The following GREB1 variants were observed in gnomAD, a reference collection of about 807,000 sequenced individuals.
GREB1 encodes the protein protein GREB1.
In GREB1, 106 loss-of-function variants were observed where a neutral mutation model predicts 200.7. That is an observed-to-expected ratio of 0.53 (90% CI 0.45 to 0.62). GREB1 has a LOEUF of 0.62. GREB1 is among the 20% of genes least tolerant of loss of function. The pLI is 0.00. For missense variants in GREB1, 2,243 were observed against 2,556.8 expected (o/e 0.88, Z 2.65); for synonymous variants, 1,132 against 1,092.4 (o/e 1.04, Z -0.72).
chr2:11,605,211 A>G (rs1682162810), intron 17 of GREB1, among the ~76,000 whole-genome samples: 1 of 128,912 alleles, frequency 7.8e-6, no homozygotes, highest in Non-Finnish European at 1.6e-5. Context: ...ACTGACAGCC[A>G]GTAGACCGTA....
At chr2:11,595,990 G>A in intron 12 of GREB1, 121 bp from the exon 13 acceptor site, 2 of 925,634 alleles carry the variant, frequency 2.2e-6, no homozygotes, top group Admixed American at 4.1e-5. Context: ...GACGGGCCAT[G>A]TCCTCCTCTT....
At chr2:11,527,614 G>C (rs1429153156) in intron 1 of GREB1, among the ~76,000 whole-genome samples, 2 of 152,182 alleles carry the variant, frequency 1.3e-5, no homozygotes, top group Non-Finnish European at 2.9e-5. Context: ...CTGAAGGCCA[G>C]CCTCTCCAAA....
intron 1 of GREB1, among the ~76,000 whole-genome samples, chr2:11,505,357 G>A (rs1003924312): frequency 2.0e-5 from 3 of 152,074 alleles, no homozygotes; most frequent in Non-Finnish European, 2.9e-5. Flanking sequence ...TGCTCTTGGG[G>A]TGGAGAGCAC....
At chr2:11,592,691 G>A (rs985667308) in intron 10 of GREB1, 85 bp from the exon 11 acceptor site, 1 of 834,352 alleles carries the variant, frequency 1.2e-6, no homozygotes, top group Non-Finnish European at 1.7e-6. Flanking sequence ...AATAACTTAG[G>A]TGGGTACTTT....
At chr2:11,632,751 T>G in intron 27 of GREB1, 138 bp from the exon 28 acceptor site, 1 of 664,720 alleles carries the variant, frequency 1.5e-6, no homozygotes. Flanking sequence ...ATGGGCTGTG[T>G]TTTGTGACAG....
intron 1 of GREB1, among the ~76,000 whole-genome samples, chr2:11,516,184 A>G (rs16857565): frequency 0.18 from 27,799 of 152,124 alleles, 3,262 homozygotes; most frequent in African/African-American, 0.32. Context: ...ATCACGTCCA[A>G]AATGAACCCA....
Position 11,641,018 on chromosome 2 carries a change from G to A in GREB1, c.*564G>A, listed in dbSNP as rs1025558138. 1 of 152,344 alleles carries A rather than the reference G, an allele frequency of 6.6e-6. No homozygotes were observed. The highest frequency in any genetic ancestry group is 1.5e-5 in the Non-Finnish European group (1 of 68,224). 9.4% of individuals were successfully genotyped at this position (152,344 alleles called of 1,614,324 possible). Reference sequence around the variant, plus strand: ...GCCCAAAGGCATCAAATTTAATAAAGTTAAACAAATTGATTTACTTCAGAG... The same window carrying A: ...GCCCAAAGGCATCAAATTTAATAAAATTAAACAAATTGATTTACTTCAGAG... On this transcript the variant is annotated 3_prime_UTR_variant, in exon 33 of 33. Transcript: ENST00000381486.
Position 11,634,144 on chromosome 2 carries a change from T to C in GREB1, c.5005T>C (p.Ser1669Pro). ...AGERSREFSW[S>P]ERNVSLKHIM... The stretch of plus-strand genomic sequence containing the variant: ...TCCTTGGAGCAGGGAGTTCTCCTGG[T>C]CGGAAAGGAACGTGTCTTTGAAGCA... Residue 1669 changes from serine to proline, a missense_variant, in exon 29 of 33, where the codon TCG becomes CCG. Physicochemically the swap from Ser to Pro is moderately conservative, Grantham distance 74. Transcript: ENST00000381486. 5 of 1,614,118 alleles carry C rather than the reference T, an allele frequency of 3.1e-6. No homozygotes were observed. The highest frequency in any genetic ancestry group is 4.2e-6 in the Non-Finnish European group (5 of 1,180,018).
chr2:11,592,692 TG>T, intron 10 of GREB1, 83 bp from the exon 11 acceptor site: 2 of 839,032 alleles, frequency 2.4e-6, no homozygotes, highest in Non-Finnish European at 3.5e-6. Flanking sequence ...ATAACTTAGG[TG>T]GGTACTTTCA....
chr2:11,608,765 C>A (rs182051962), intron 17 of GREB1, among the ~76,000 whole-genome samples: 1 of 152,306 alleles, frequency 6.6e-6, no homozygotes, highest in East Asian at 1.9e-4. Context: ...CCCTTTAATT[C>A]GTTTGCAACC....
At chr2:11,551,481 C>T (rs1030290935) in intron 1 of GREB1, among the ~76,000 whole-genome samples, 1 of 152,208 alleles carries the variant, frequency 6.6e-6, no homozygotes, top group Non-Finnish European at 1.5e-5. Flanking sequence ...TCTAGCTCTG[C>T]GGGTCCAGGG....
At chr2:11,624,217 C>T (rs1306438689) in intron 23 of GREB1, among the ~76,000 whole-genome samples, 1 of 152,220 alleles carries the variant, frequency 6.6e-6, no homozygotes, top group Non-Finnish European at 1.5e-5. Flanking sequence ...TACTCACTGA[C>T]TCACCCGGAA....
At position 11,602,410 on chromosome 2, in the gene GREB1, T is replaced by A; in HGVS notation, c.2534T>A (p.Val845Glu). Residue 845 changes from valine (V) to glutamate (E), a missense_variant, in exon 17 of 33, where the codon GTG (valine) becomes GAG (glutamate). By Grantham distance (121) the Val-to-Glu change is moderately radical. Transcript: ENST00000381486. ...CGACGCTCTTCTTTGTTTTAGGGAG[T>A]GGACTTATATCATGAAAATAAGAAG... ...IHWPASCSNG[V>E]DLYHENKKYF... The A allele has an allele frequency of 6.2e-7, 1 of 1,613,474 alleles. No homozygotes were observed. The highest frequency in any genetic ancestry group is 8.5e-7 in the Non-Finnish European group (1 of 1,179,526).
At chr2:11,569,515 G>A (rs1310732441) in intron 4 of GREB1, among the ~76,000 whole-genome samples, 1 of 152,190 alleles carries the variant, frequency 6.6e-6, no homozygotes, top group Non-Finnish European at 1.5e-5. Context: ...TATCTGAGTT[G>A]GGCCCTGAAA....
intron 20 of GREB1, 110 bp downstream of exon 20, chr2:11,615,400 G>C: frequency 2.1e-6 from 2 of 934,572 alleles, no homozygotes; most frequent in Non-Finnish European, 3.3e-6. Flanking sequence ...AGTTCAGCAG[G>C]GTCCTGGGAC....
In GREB1 at chr2:11,597,457, C is replaced by A. The variant is rs1156363961; in HGVS notation, c.1955-324C>A. ...AGAGTTTGCAGTCCTCTTCCAGAGT[C>A]CAGTCTCAGCATCACCTCCCCTGGG... On this transcript the variant is annotated intron_variant, in intron 13 of 32. Transcript: ENST00000381486. The surrounding 1 kb of genome is among the most constrained non-coding windows in gnomAD (Gnocchi z 4.1). 6.6e-6 allele frequency among the ~76,000 whole-genome samples: 1 copy of A among 152,098 alleles called. No individual in the cohort carries two copies. Among genetic ancestry groups the A allele is most frequent in the Non-Finnish European group, 1.5e-5 (1 of 68,016 alleles).
chr2:11,564,638 T>C (rs1401918242), intron 3 of GREB1, among the ~76,000 whole-genome samples: 2 of 152,230 alleles, frequency 1.3e-5, no homozygotes, highest in Non-Finnish European at 2.9e-5. Context: ...TCAGAAGGCA[T>C]GGACCACACT....
intron 26 of GREB1, among the ~76,000 whole-genome samples, chr2:11,630,944 C>T (rs753739006): frequency 2.0e-5 from 3 of 152,162 alleles, no homozygotes; most frequent in South Asian, 2.1e-4. Context: ...TGTGGAGTTG[C>T]CCCTGGCCTT....
At chr2:11,552,524 C>T (rs982637485) in intron 1 of GREB1, among the ~76,000 whole-genome samples, 1 of 152,176 alleles carries the variant, frequency 6.6e-6, no homozygotes, top group Non-Finnish European at 1.5e-5. Flanking sequence ...TTTAGTTCTC[C>T]ACTGGTCAAA....
Sources: gnomAD v4.1 joint callset for allele counts (sites outside exome capture counted in the v4.1 genomes callset) on GRCh38, gnomAD v4.1.1 for gene constraint, Gnocchi (gnomAD v3.1) non-coding constraint, MANE v1.5 for transcripts, NCBI Gene and HGNC (gene_info 2026-07-23, HGNC 2026-07-21) for gene names.